ZNF730: variants seen among roughly 807,000 people sequenced by gnomAD.
The protein encoded by ZNF730 is zinc finger protein 730, also known as putative zinc finger protein 730.
Under a neutral mutation model 12.6 loss-of-function variants are expected in ZNF730, and 12 were observed. The ratio of observed to expected loss-of-function variants is 0.95; its 90% CI spans 0.61 to 1.54. The LOEUF is 1.54. ZNF730 is among the 40% of genes most tolerant of loss of function. ZNF730 has a pLI of 0.00. For missense variants in ZNF730, 643 were observed against 583.5 expected, an observed-to-expected ratio of 1.10 and a Z score of -1.05; for synonymous variants, 194 against 195.8, an observed-to-expected ratio of 0.99 and a Z score of 0.08.
At chr19:23,106,248 A>T (rs1970391548) in intron 1 of ZNF730, among the ~76,000 whole-genome samples, 1 of 152,114 alleles carries the variant, frequency 6.6e-6, no homozygotes, top group Non-Finnish European at 1.5e-5. Context: ...GAGGAAGAGG[A>T]GAAAGAATAA....
upstream of ZNF730, among the ~76,000 whole-genome samples, chr19:23,112,708 G>A (rs1337618335): frequency 6.7e-6 from 1 of 150,286 alleles, no homozygotes; most frequent in East Asian, 2.0e-4. Context: ...GGGCTACAGA[G>A]CGAGACTTCG....
chr19:23,085,496 CTTTTTTT>C (rs58871710), intron 1 of ZNF730, among the ~76,000 whole-genome samples: 4 of 52,762 alleles, frequency 7.6e-5, no homozygotes, highest in Non-Finnish European at 1.1e-4. Flanking sequence ...CCATGCCCGT[CTTTTTTT>C]TTTTTTTTTT....
chr19:23,108,437 C>T (rs1970420845), intron 1 of ZNF730, among the ~76,000 whole-genome samples: 1 of 152,048 alleles, frequency 6.6e-6, no homozygotes, highest in Non-Finnish European at 1.5e-5. Flanking sequence ...ATGAGTGCTG[C>T]TGAGATTTGT....
intron 1 of ZNF730, 115 bp from the exon 2 acceptor site, chr19:23,133,965 C>A: frequency 8.2e-7 from 1 of 1,217,572 alleles, no homozygotes; most frequent in South Asian, 1.5e-5. Flanking sequence ...TAGATAATTT[C>A]AGTCACCCCT....
At chr19:23,102,191 C>T (rs1403805396) in intron 1 of ZNF730, among the ~76,000 whole-genome samples, 7 of 152,140 alleles carry the variant, frequency 4.6e-5, no homozygotes, top group Non-Finnish European at 1.0e-4. Context: ...GTTGATGTGT[C>T]TCTGGTAACT....
chr19:23,095,019 G>A (rs1970225127), intron 1 of ZNF730: 2 of 192,938 alleles, frequency 1.0e-5, no homozygotes, highest in African/African-American at 4.6e-5. Flanking sequence ...CAGTTCAGAT[G>A]CATAATCTCA....
chr19:23,104,497 C>T (rs1335442764), intron 1 of ZNF730, among the ~76,000 whole-genome samples: 1 of 152,002 alleles, frequency 6.6e-6, no homozygotes, highest in Non-Finnish European at 1.5e-5. Flanking sequence ...CTATTTATGG[C>T]CTTCAATAAT....
intron 1 of ZNF730, among the ~76,000 whole-genome samples, chr19:23,088,617 C>T (rs1342120158): frequency 6.6e-6 from 1 of 151,596 alleles, no homozygotes; most frequent in Admixed American, 6.6e-5. Context: ...GCGTGTGCTA[C>T]CACGCCTGGC....
At chr19:23,121,259 C>G (rs1223051376) in intron 1 of ZNF730, among the ~76,000 whole-genome samples, 2 of 152,080 alleles carry the variant, frequency 1.3e-5, no homozygotes, top group African/African-American at 4.8e-5. Flanking sequence ...AATTTTCTGC[C>G]TCAGTGATCT....
upstream of ZNF730, among the ~76,000 whole-genome samples, chr19:23,114,305 C>CTTTTTTTT (rs869304180): frequency 6.9e-3 from 709 of 103,412 alleles, 19 homozygotes; most frequent in East Asian, 0.021. Context: ...TTTTTCTTTT[C>CTTTTTTTT]TTTTTTTTTT....
intron 1 of ZNF730, among the ~76,000 whole-genome samples, chr19:23,094,108 C>G (rs888939828): frequency 1.3e-5 from 2 of 152,144 alleles, no homozygotes; most frequent in African/African-American, 4.8e-5. Flanking sequence ...ATTTTGGTCT[C>G]CCAAGTGGCT....
At chr19:23,098,703 G>A (rs1255397343) in intron 1 of ZNF730, among the ~76,000 whole-genome samples, 1 of 151,936 alleles carries the variant, frequency 6.6e-6, no homozygotes, top group Admixed American at 6.6e-5. Context: ...GAGAACTCAG[G>A]TGATATGACT....
At chr19:23,085,826 ATTTTTTTTTCTTTTTT>A (rs1237841902) in intron 1 of ZNF730, among the ~76,000 whole-genome samples, 1 of 72,546 alleles carries the variant, frequency 1.4e-5, no homozygotes, top group Non-Finnish European at 2.8e-5. Context: ...ATTTCACCCA[ATTTTTTTTTCTTTTTT>A]TTTTTTTTTT....
At chr19:23,118,175 T>G (rs1970556531) in intron 1 of ZNF730, among the ~76,000 whole-genome samples, 1 of 152,224 alleles carries the variant, frequency 6.6e-6, no homozygotes, top group African/African-American at 2.4e-5. Flanking sequence ...GTATTTTAAT[T>G]ATTTTTTTAC....
chr19:23,118,062 A>G (rs1970555033), intron 1 of ZNF730, among the ~76,000 whole-genome samples: 1 of 152,120 alleles, frequency 6.6e-6, no homozygotes, highest in Admixed American at 6.5e-5. Flanking sequence ...GTCTTGCAGT[A>G]AAATACTAAA....
chr19:23,121,408 G>A (rs1026922933), intron 1 of ZNF730, among the ~76,000 whole-genome samples: 4 of 151,938 alleles, frequency 2.6e-5, no homozygotes, highest in South Asian at 2.1e-4. Flanking sequence ...GCACGATCTC[G>A]GCTCACTGCA....
chr19:23,080,052 TCTC>T (rs1969937227), intron 1 of ZNF730, among the ~76,000 whole-genome samples: 1 of 151,994 alleles, frequency 6.6e-6, no homozygotes, highest in South Asian at 2.1e-4. Context: ...TTCAAGCAAT[TCTC>T]CTGCCTCAGC....
At chr19:23,133,080 GTTAA>G (rs1970765944) in intron 1 of ZNF730, among the ~76,000 whole-genome samples, 1 of 152,188 alleles carries the variant, frequency 6.6e-6, no homozygotes. Context: ...TCAATATGGA[GTTAA>G]TTATTTTTCT....
intron 1 of ZNF730, among the ~76,000 whole-genome samples, chr19:23,108,571 C>T (rs932782211): frequency 4.6e-5 from 7 of 152,188 alleles, no homozygotes; most frequent in African/African-American, 1.7e-4. Context: ...GTCTTCTTAG[C>T]AGCTCGGTCT....
Sources: allele counts gnomAD v4.1 joint callset (sites outside exome capture counted in the v4.1 genomes callset), GRCh38; gene constraint gnomAD v4.1.1; transcripts MANE v1.5; gene names NCBI Gene and HGNC (gene_info 2026-07-23, HGNC 2026-07-21).